Variants in SLIT3 observed in about 807,000 individuals in gnomAD.
SLIT3 encodes the protein slit homolog 3 protein.
In SLIT3, 68 loss-of-function variants were observed where a neutral mutation model predicts 184.0. The observed-to-expected ratio is 0.37, with a 90% confidence interval of 0.30 to 0.45. The LOEUF is 0.45. Among genes scored for constraint, SLIT3 ranks in the 20% least tolerant of loss-of-function variants. The probability of loss-of-function intolerance (pLI) is 1.00; values close to 1 mark genes in which losing one functional copy is unlikely to be tolerated. For synonymous variants in SLIT3, 831 were observed against 828.6 expected (o/e 1.00, Z -0.05); for missense variants, 1,707 against 2,026.0 (o/e 0.84, Z 3.02).
At chr5:168,693,756 G>A (rs1459489701) in intron 28 of SLIT3, among the ~76,000 whole-genome samples, 5 of 152,150 alleles carry the variant, frequency 3.3e-5, no homozygotes, top group Admixed American at 6.5e-5. Flanking sequence ...GTAACAGATA[G>A]CCCCTAAGTC....
intron 3 of SLIT3, among the ~76,000 whole-genome samples, chr5:169,237,414 T>C (rs1765240859): frequency 6.6e-6 from 1 of 152,202 alleles, no homozygotes; most frequent in Admixed American, 6.5e-5. Context: ...TTCCCTCTTC[T>C]GCTCTGAATC....
intron 4 of SLIT3, among the ~76,000 whole-genome samples, chr5:169,010,545 CTAAAACTCATACCTGAGTTTG>C (rs1406595447): frequency 1.3e-5 from 2 of 152,160 alleles, no homozygotes; most frequent in Admixed American, 6.5e-5. Flanking sequence ...ATGATGTGGA[CTAAAACTCATACCTGAGTTTG>C]TAAAACTCAG....
At chr5:168,724,736 G>A (rs150663531) in intron 20 of SLIT3, among the ~76,000 whole-genome samples, 56 of 151,654 alleles carry the variant, frequency 3.7e-4, no homozygotes, top group African/African-American at 1.2e-3. Context: ...ATTGCCCACC[G>A]TTGGATCCCC....
At chr5:168,871,903 A>G (rs913395941) in intron 5 of SLIT3, among the ~76,000 whole-genome samples, 1 of 152,218 alleles carries the variant, frequency 6.6e-6, no homozygotes, top group Admixed American at 6.5e-5. Flanking sequence ...GCCTGACTCC[A>G]GAGTCTGAGC....
intron 4 of SLIT3, among the ~76,000 whole-genome samples, chr5:168,954,091 T>C (rs1762745297): frequency 6.6e-6 from 1 of 152,108 alleles, no homozygotes; most frequent in South Asian, 2.1e-4. Flanking sequence ...AAAATGGTCT[T>C]ATTCTAGATG....
In SLIT3 at chr5:168,912,406, G is replaced by T. The variant is rs534821351; in HGVS notation, c.414-29070C>A. Among the ~76,000 whole-genome samples, 465 of 152,124 alleles carry T rather than the reference G, an allele frequency of 3.1e-3. 2 individuals are homozygous for T. The highest frequency in any genetic ancestry group is 5.2e-3 in the Non-Finnish European group (353 of 67,996). ...GGTTGGTGTCCCTAACCCCTATTTC[G>T]GTCAAGGGTCAAATGTATATAGCAT... On this transcript the variant is annotated intron_variant, in intron 4 of 35. Coordinates refer to ENST00000519560, the MANE Select transcript of SLIT3 (RefSeq NM_003062.4).
At chr5:169,059,095 A>C (rs142163974) in intron 4 of SLIT3, among the ~76,000 whole-genome samples, 1 of 152,316 alleles carries the variant, frequency 6.6e-6, no homozygotes, top group African/African-American at 2.4e-5. Flanking sequence ...TTCATCCTTC[A>C]GCTGGTGCCA....
intron 3 of SLIT3, among the ~76,000 whole-genome samples, chr5:169,205,301 A>G (rs147667823): frequency 3.4e-4 from 52 of 152,294 alleles, no homozygotes; most frequent in African/African-American, 1.2e-3. Context: ...TCCTCCATCA[A>G]CAGAATCAGT....
At chr5:168,760,287 G>A (rs1451929829) in intron 16 of SLIT3, among the ~76,000 whole-genome samples, 1 of 152,122 alleles carries the variant, frequency 6.6e-6, no homozygotes, top group Non-Finnish European at 1.5e-5. Context: ...TGCAGGGAGA[G>A]GGTTAGGATG....
chr5:168,711,086 C>A (rs2113321468), intron 24 of SLIT3, 28 bp from the exon 25 acceptor site: 1 of 1,529,750 alleles, frequency 6.5e-7, no homozygotes, highest in East Asian at 2.4e-5. Flanking sequence ...AAGTCAGGGC[C>A]CCCTGCCCAG....
intron 3 of SLIT3, among the ~76,000 whole-genome samples, chr5:169,223,861 G>T (rs994500040): frequency 1.3e-5 from 2 of 152,136 alleles, no homozygotes; most frequent in Non-Finnish European, 2.9e-5. Flanking sequence ...CGGACCATCT[G>T]CAGGAATATC....
At chr5:168,841,849 C>T (rs1275058228) in intron 6 of SLIT3, among the ~76,000 whole-genome samples, 1 of 152,132 alleles carries the variant, frequency 6.6e-6, no homozygotes, top group Admixed American at 6.5e-5. Context: ...CTTCATGCTG[C>T]CTAATGTCAG....
intron 3 of SLIT3, among the ~76,000 whole-genome samples, chr5:169,231,582 A>T (rs888511427): frequency 7.9e-5 from 12 of 152,160 alleles, no homozygotes; most frequent in Non-Finnish European, 1.6e-4. Flanking sequence ...CATTACATGA[A>T]TACACCACAG....
intron 20 of SLIT3, among the ~76,000 whole-genome samples, chr5:168,727,449 C>T (rs569906862): frequency 6.6e-6 from 1 of 152,200 alleles, no homozygotes; most frequent in Non-Finnish European, 1.5e-5. Flanking sequence ...GGCAAGAATG[C>T]AGCCTGTGGA....
chr5:169,096,645 T>C (rs1258292986), intron 4 of SLIT3, among the ~76,000 whole-genome samples: 1 of 152,234 alleles, frequency 6.6e-6, no homozygotes, highest in African/African-American at 2.4e-5. Context: ...CTATGTTTTA[T>C]GGATTAGGGA....
Position 168,673,181 on chromosome 5 carries a change from A to G in SLIT3, c.3837T>C (p.Leu1279=). The change falls in exon 33 of 36, where the codon CTT becomes CTC. Residue 1279 remains leucine (L), a synonymous_variant. Transcript: ENST00000519560. ...GGTAGGGAAAGAGGGCATTACCTCC[A>G]AGGTAGAGGGGGCTGTTGATGCCCA... ...PAVGINSPLY[L]GGIPTSTGLS... is the part of the protein sequence containing the mutation. The G allele has an allele frequency of 6.2e-7, 1 of 1,613,206 alleles. No homozygotes were observed. The highest frequency in any genetic ancestry group is 8.5e-7 in the Non-Finnish European group (1 of 1,179,650).
intron 4 of SLIT3, among the ~76,000 whole-genome samples, chr5:168,983,022 G>T (rs767628740): frequency 5.3e-5 from 8 of 152,132 alleles, no homozygotes; most frequent in African/African-American, 1.9e-4. Flanking sequence ...GAATAATCAT[G>T]TATTTTCCCA....
intron 6 of SLIT3, among the ~76,000 whole-genome samples, chr5:168,824,292 G>A (rs1229956625): frequency 6.6e-6 from 1 of 152,112 alleles, no homozygotes; most frequent in Non-Finnish European, 1.5e-5. Flanking sequence ...TCTTCTTTCC[G>A]GTGCATCTCT....
chr5:168,688,834 T>C (rs535026801), intron 29 of SLIT3, among the ~76,000 whole-genome samples: 1 of 152,352 alleles, frequency 6.6e-6, no homozygotes, highest in African/African-American at 2.4e-5. Flanking sequence ...TGTGTGTCTC[T>C]TGAATTCTAA....
Sources: allele counts gnomAD v4.1 joint callset (sites outside exome capture counted in the v4.1 genomes callset), GRCh38; gene constraint gnomAD v4.1.1; transcripts MANE v1.5; gene names NCBI Gene and HGNC (gene_info 2026-07-23, HGNC 2026-07-21).